Variants in KRABD5 observed in about 807,000 individuals in gnomAD.
KRABD5 encodes KRAB domain containing 5.
the KRABD5 span, chr16:31,713,473 A>G: frequency 1.2e-5 from 19 of 1,593,642 alleles, no homozygotes; most frequent in South Asian, 1.1e-5. Flanking sequence ...GAAGAGGGAG[A>G]GGGGCGGTCG....
chr16:31,736,517 CTTT>C, the KRABD5 span, among the ~76,000 whole-genome samples: 2 of 128,504 alleles, frequency 1.6e-5, no homozygotes, highest in Non-Finnish European at 3.2e-5. Context: ...TAATAATATT[CTTT>C]TTTTTTTTTT....
At chr16:31,735,871 C>T in the KRABD5 span, among the ~76,000 whole-genome samples, 1 of 152,150 alleles carries the variant, frequency 6.6e-6, no homozygotes, top group Non-Finnish European at 1.5e-5. Context: ...TAGGTTGTCT[C>T]TTCACTCTGT....
At chr16:31,743,784 C>T in the KRABD5 span, among the ~76,000 whole-genome samples, 1 of 152,002 alleles carries the variant, frequency 6.6e-6, no homozygotes, top group African/African-American at 2.4e-5. Context: ...TGCTTGTGTC[C>T]TCTCTTATTT....
At chr16:31,732,608 A>G in the KRABD5 span, among the ~76,000 whole-genome samples, 122,728 of 152,176 alleles carry the variant, frequency 0.81, 50,206 homozygotes, top group African/African-American at 0.93. Flanking sequence ...AATTCTCACC[A>G]TATTTTGCAA....
the KRABD5 span, among the ~76,000 whole-genome samples, chr16:31,734,610 G>A: frequency 6.6e-6 from 1 of 151,912 alleles, no homozygotes; most frequent in Non-Finnish European, 1.5e-5. Flanking sequence ...ACTGTACTGT[G>A]TAATAGAACA....
the KRABD5 span, chr16:31,713,411 A>G: frequency 1.9e-6 from 3 of 1,604,734 alleles, no homozygotes; most frequent in East Asian, 2.2e-5. Flanking sequence ...CTCAGACGCC[A>G]GGACATCCCG....
At chr16:31,721,203 G>C in the KRABD5 span, among the ~76,000 whole-genome samples, 1 of 152,162 alleles carries the variant, frequency 6.6e-6, no homozygotes, top group Non-Finnish European at 1.5e-5. Context: ...CATCCATATA[G>C]TTTTAACACA....
chr16:31,727,890 C>G, the KRABD5 span, among the ~76,000 whole-genome samples: 3 of 152,120 alleles, frequency 2.0e-5, no homozygotes, highest in African/African-American at 7.2e-5. Context: ...GAGACAGGGT[C>G]TCACTCTGAT....
At chr16:31,716,600 G>A in the KRABD5 span, among the ~76,000 whole-genome samples, 15 of 152,098 alleles carry the variant, frequency 9.9e-5, no homozygotes, top group African/African-American at 2.4e-5. Flanking sequence ...GGCTCATCAC[G>A]AACTCCTGGG....
chr16:31,730,388 G>A, the KRABD5 span, among the ~76,000 whole-genome samples: 7 of 152,054 alleles, frequency 4.6e-5, no homozygotes, highest in Non-Finnish European at 7.4e-5. Flanking sequence ...CTCCCATTTG[G>A]CCTGTAAGGT....
At chr16:31,741,853 C>T in the KRABD5 span, among the ~76,000 whole-genome samples, 1 of 152,078 alleles carries the variant, frequency 6.6e-6, no homozygotes, top group Non-Finnish European at 1.5e-5. Context: ...AATTTAGCCA[C>T]AAATTCTTTG....
the KRABD5 span, chr16:31,733,489 G>A: frequency 8.8e-6 from 4 of 455,930 alleles, no homozygotes; most frequent in African/African-American, 6.0e-5. Flanking sequence ...CAAGAGGTTT[G>A]TAGATCATTT....
At chr16:31,726,613 T>G in the KRABD5 span, among the ~76,000 whole-genome samples, 7 of 152,010 alleles carry the variant, frequency 4.6e-5, no homozygotes. Flanking sequence ...ATACAAAAAT[T>G]AGCCAGGTGT....
At chr16:31,717,004 T>G in the KRABD5 span, among the ~76,000 whole-genome samples, 5 of 144,352 alleles carry the variant, frequency 3.5e-5, no homozygotes, top group Non-Finnish European at 6.1e-5. Context: ...TTTGTTTTTT[T>G]TTTTTTTTTT....
the KRABD5 span, among the ~76,000 whole-genome samples, chr16:31,744,292 T>G: frequency 6.6e-6 from 1 of 152,164 alleles, no homozygotes; most frequent in African/African-American, 2.4e-5. Context: ...TTTTCAGATA[T>G]GTTCCATCAA....
chr16:31,727,199 A>G, the KRABD5 span, among the ~76,000 whole-genome samples: 10 of 152,240 alleles, frequency 6.6e-5, no homozygotes, highest in African/African-American at 2.4e-4. Context: ...GGTTTTCTGT[A>G]TATAAAATCA....
chr16:31,722,786 C>A, the KRABD5 span: 7 of 1,538,468 alleles, frequency 4.5e-6, no homozygotes, highest in South Asian at 1.3e-5. Flanking sequence ...TATCTAATAT[C>A]TAATAACTAA....
chr16:31,730,298 G>A, the KRABD5 span, among the ~76,000 whole-genome samples: 4 of 151,734 alleles, frequency 2.6e-5, no homozygotes, highest in Non-Finnish European at 5.9e-5. Flanking sequence ...GCTTTGTTGT[G>A]TATAGCCTAC....
chr16:31,722,747 C>G, the KRABD5 span: 1 of 1,590,948 alleles, frequency 6.3e-7, no homozygotes, highest in East Asian at 2.3e-5. Context: ...AACCTGGTCT[C>G]TCTGGGTGAG....
Sources: allele counts gnomAD v4.1 joint callset (sites outside exome capture counted in the v4.1 genomes callset), GRCh38; gene constraint gnomAD v4.1.1; transcripts MANE v1.5; gene names NCBI Gene and HGNC (gene_info 2026-07-23, HGNC 2026-07-21).